GLIPR1: variants seen among roughly 807,000 people sequenced by gnomAD.
GLIPR1 encodes the protein glioma pathogenesis-related protein 1.
A neutral mutation model predicts 30.3 loss-of-function variants in GLIPR1; 38 were observed. The observed-to-expected ratio is 1.26, with a 90% CI of 0.97 to 1.65. The LOEUF (loss-of-function observed/expected upper bound fraction) is 1.65, where lower values mean the gene tolerates loss of function less well. Ranked by LOEUF, GLIPR1 falls within the 40% of genes most tolerant of loss-of-function variation. GLIPR1 has a pLI of 0.00. For synonymous variants in GLIPR1, 122 were observed against 110.6 expected (o/e 1.10, Z -0.65); for missense variants, 285 against 326.5 (o/e 0.87, Z 0.98).
chr12:75,485,385 A>C (rs1030875473), intron 2 of GLIPR1, among the ~76,000 whole-genome samples: 2 of 152,160 alleles, frequency 1.3e-5, no homozygotes, highest in Non-Finnish European at 2.9e-5. Flanking sequence ...AGCTTTATAA[A>C]GTTTAGAAAT....
intron 4 of GLIPR1, chr12:75,496,005 TTTTG>T (rs1359847719): frequency 2.1e-4 from 27 of 130,922 alleles, no homozygotes; most frequent in African/African-American, 5.4e-4. Context: ...TCGTTTTTTT[TTTTG>T]TTTTTTTTTT....
In GLIPR1 at chr12:75,499,976, A is replaced by G. The variant is rs1439786362; in HGVS notation, c.*998A>G. 5.1e-6 allele frequency: 8 copies of G among 1,557,100 alleles called. No homozygotes were observed. Among genetic ancestry groups the G allele is most frequent in the Non-Finnish European group, 4.3e-6 (5 of 1,153,140 alleles). Reference sequence around the variant, plus strand: ...GCTAGACAAATTAAAAGCACAACACATGTAATACTTTAGATTTTACCAAGT... The same window carrying G: ...GCTAGACAAATTAAAAGCACAACACGTGTAATACTTTAGATTTTACCAAGT... On this transcript the variant is annotated 3_prime_UTR_variant, in exon 6 of 6. Transcript: ENST00000266659.
Position 75,502,092 on chromosome 12 carries a change from A to G in GLIPR1, c.*3114A>G, listed in dbSNP as rs2046398419. On this transcript the variant is annotated 3_prime_UTR_variant, in exon 6 of 6. Transcript: ENST00000266659. The stretch of plus-strand genomic sequence containing the variant: ...TCACAATATCCTTAGGGTAAAAACA[A>G]TGGGGTCAAACTGATTTATTAATAA... 2.0e-6 allele frequency: 2 copies of G among 984,924 alleles called. No individual in the cohort carries two copies. Among genetic ancestry groups the G allele is most frequent in the Admixed American group, 1.9e-5 (1 of 52,188 alleles). The allele number at this position is 984,924 out of a possible 1,614,324, so 61.0% of individuals were successfully genotyped here.
chr12:75,482,554 C>G (rs564424390), intron 2 of GLIPR1, among the ~76,000 whole-genome samples: 1 of 152,176 alleles, frequency 6.6e-6, no homozygotes, highest in Admixed American at 6.5e-5. Flanking sequence ...GTGCCATGCA[C>G]TAGGCACCAC....
chr12:75,485,027 T>C (rs1247673609), intron 2 of GLIPR1: 1 of 152,780 alleles, frequency 6.5e-6, no homozygotes, highest in African/African-American at 2.4e-5. Context: ...GGTGAAAGAC[T>C]GTTTTCATCA....
rs1594067093 is a variant in GLIPR1 at position 75,502,166 on chromosome 12, T to G, written c.*3188T>G. On this transcript the variant is annotated 3_prime_UTR_variant, in exon 6 of 6. Transcript: ENST00000266659. Reference sequence around the variant, plus strand: ...CAGAGTCTAAGCTGAGGGGAATACATACACAAAAGTGTGGAGGTAGGAAAG... The same window carrying G: ...CAGAGTCTAAGCTGAGGGGAATACAGACACAAAAGTGTGGAGGTAGGAAAG... 1.7e-6 allele frequency: 1 copy of G among 587,688 alleles called. No homozygotes were observed. Among genetic ancestry groups the G allele is most frequent in the East Asian group, 2.9e-5 (1 of 34,824 alleles). 36.4% of individuals were successfully genotyped at this position (587,688 alleles called of 1,614,324 possible).
chr12:75,482,245 T>G (rs183896602), intron 2 of GLIPR1, among the ~76,000 whole-genome samples, 166 bp downstream of exon 2: 1 of 152,318 alleles, frequency 6.6e-6, no homozygotes, highest in African/African-American at 2.4e-5. Context: ...AAAGTTTAGT[T>G]GTGTGAACTA....
In GLIPR1 at chr12:75,500,367, ATCC is replaced by A. The variant is rs2046383608; in HGVS notation, c.*1390_*1392del. 6.6e-6 allele frequency: 1 copy of A among 152,372 alleles called. No homozygotes were observed. Among genetic ancestry groups the A allele is most frequent in the African/African-American group, 2.4e-5 (1 of 41,444 alleles). The allele number at this position is 152,372 out of a possible 1,614,324, so 9.4% of individuals were successfully genotyped here. A position where few individuals can be genotyped will look rare whatever the true frequency, so the allele number is the denominator to read the frequency against. ...ATTAAAATAATTTAAAATTACATGT[ATCC>A]CTTCTCAATAAGTTTAATCAGCTAA... is the stretch of plus-strand genomic sequence containing the variant. On this transcript the variant is annotated 3_prime_UTR_variant, in exon 6 of 6. Transcript: ENST00000266659.
At chr12:75,495,773 T>C (rs1481612515) in intron 4 of GLIPR1, 111 bp downstream of exon 4, 2 of 631,106 alleles carry the variant, frequency 3.2e-6, no homozygotes, top group Non-Finnish European at 5.7e-6. Context: ...TCAAGGAAAC[T>C]GGCATCAAGT....
At chr12:75,491,842 G>A (rs1345276954) in intron 3 of GLIPR1, 2 of 151,850 alleles carry the variant, frequency 1.3e-5, no homozygotes, top group African/African-American at 4.8e-5. Context: ...TATATATAAT[G>A]ATCTTTAATT....
At chr12:75,482,206 A>G (rs1383019484) in intron 2 of GLIPR1, 127 bp downstream of exon 2, 3 of 817,808 alleles carry the variant, frequency 3.7e-6, no homozygotes, top group South Asian at 3.4e-5. Flanking sequence ...TAAATAGAAC[A>G]GCCTCCAAGA....
intron 2 of GLIPR1, among the ~76,000 whole-genome samples, chr12:75,486,308 C>A (rs915160590): frequency 7.2e-6 from 1 of 139,688 alleles, no homozygotes; most frequent in African/African-American, 2.6e-5. Flanking sequence ...CAACAGAAAC[C>A]TGCCTGATAA....
chr12:75,494,048 A>G (rs1316482077), intron 3 of GLIPR1: 1 of 152,220 alleles, frequency 6.6e-6, no homozygotes, highest in Non-Finnish European at 1.5e-5. Context: ...TGAAATTGCT[A>G]TCAGAATTTC....
Position 75,500,613 on chromosome 12 carries a change from A to G in GLIPR1, c.*1635A>G, listed in dbSNP as rs2046386793. On this transcript the variant is annotated 3_prime_UTR_variant, in exon 6 of 6. Coordinates refer to ENST00000266659, the MANE Select transcript of GLIPR1 (RefSeq NM_006851.3). ...TTTTGGTAATAAAGACAATAATTTGAGAGTGTGTGGAAGTCCCCCTAATAG... is the reference window on the plus strand; with the variant it reads ...TTTTGGTAATAAAGACAATAATTTGGGAGTGTGTGGAAGTCCCCCTAATAG... 1 of 152,016 alleles carries G rather than the reference A, an allele frequency of 6.6e-6. No individual in the cohort carries two copies. Among genetic ancestry groups the G allele is most frequent in the Admixed American group, 6.6e-5 (1 of 15,224 alleles). 9.4% of individuals were successfully genotyped at this position (152,016 alleles called of 1,614,324 possible).
chr12:75,487,818 G>A (rs1055325488), intron 2 of GLIPR1: 12 of 455,800 alleles, frequency 2.6e-5, no homozygotes, highest in African/African-American at 6.0e-5. Context: ...GGGTGAGTCC[G>A]TAAAGTGAAG....
rs769284389 is a variant in GLIPR1, at chr12:75,502,014, T to C, written c.*3036T>C. 2 of 1,596,604 alleles carry C rather than the reference T, an allele frequency of 1.3e-6. No homozygotes were observed. The highest frequency in any genetic ancestry group is 1.7e-6 in the Non-Finnish European group (2 of 1,166,230). The stretch of plus-strand genomic sequence containing the variant: ...TTCTTTATCGATCTGTTGAAAACGG[T>C]ATTTACAATTACATCAGAAATAATG... On this transcript the variant is annotated 3_prime_UTR_variant, in exon 6 of 6. Transcript: ENST00000266659.
chr12:75,487,839 T>G, intron 2 of GLIPR1: 1 of 455,500 alleles, frequency 2.2e-6, no homozygotes, highest in Non-Finnish European at 4.4e-6. Flanking sequence ...GCAAGTTTAT[T>G]AAGAAAGAAA....
intron 4 of GLIPR1, 119 bp downstream of exon 4, chr12:75,495,781 A>G: frequency 1.6e-6 from 1 of 609,324 alleles, no homozygotes. Context: ...ACTGGCATCA[A>G]GTAGCAATTA....
chr12:75,500,158 T>A lies in GLIPR1; in HGVS notation c.*1180T>A, dbSNP rs1415388637. ...TTTCTTCAGATTAAGATAAAACAAA[T>A]CATAAAATACTTTATATATTAGTAC... On this transcript the variant is annotated 3_prime_UTR_variant, in exon 6 of 6. Transcript: ENST00000266659. 13 of 381,606 alleles carry A rather than the reference T, an allele frequency of 3.4e-5. No individual in the cohort carries two copies. The East Asian group carries it at 5.1e-4, about 15-fold the overall frequency. 23.6% of individuals were successfully genotyped at this position (381,606 alleles called of 1,614,324 possible).
Sources: allele counts gnomAD v4.1 joint callset (sites outside exome capture counted in the v4.1 genomes callset), GRCh38; gene constraint gnomAD v4.1.1; transcripts MANE v1.5; gene names NCBI Gene and HGNC (gene_info 2026-07-23, HGNC 2026-07-21).